The following FAM153A variants were observed in gnomAD, a reference collection of about 807,000 sequenced individuals.
The protein encoded by FAM153A is protein FAM153A.
FAM153A carries 12 observed loss-of-function variants against 48.1 expected under a neutral mutation model. The ratio of observed to expected loss-of-function variants is 0.25; its 90% CI spans 0.16 to 0.40. The LOEUF (loss-of-function observed/expected upper bound fraction) is 0.40. Among genes scored for constraint, FAM153A ranks in the 10% least tolerant of loss-of-function variants. The probability of loss-of-function intolerance (pLI) is 1.00; values close to 1 mark genes in which losing one functional copy is unlikely to be tolerated. For missense variants in FAM153A, 111 were observed against 345.8 expected, an observed-to-expected ratio of 0.32 and a Z score of 5.38; for synonymous variants, 36 against 118.2, an observed-to-expected ratio of 0.30 and a Z score of 4.51.
At chr5:177,703,438 A>G (rs923787939), downstream of FAM153A, among the ~76,000 whole-genome samples, 11 of 150,946 alleles carry the variant, frequency 7.3e-5, no homozygotes, top group Admixed American at 1.3e-4. Flanking sequence ...TTACAGACCT[A>G]TAGGTGGAAG....
At chr5:177,709,682 T>G (rs1049868929), downstream of FAM153A, among the ~76,000 whole-genome samples, 21 of 143,232 alleles carry the variant, frequency 1.5e-4, no homozygotes, top group Admixed American at 1.4e-4. Flanking sequence ...TTGTTTTTTT[T>G]TTTTTTTGAC....
intron 24 of FAM153A, among the ~76,000 whole-genome samples, chr5:177,716,884 C>T (rs1759921757): frequency 6.6e-6 from 1 of 151,502 alleles, no homozygotes; most frequent in Non-Finnish European, 1.5e-5. Context: ...CTGCAGCCTC[C>T]ACCTCCTGGG....
chr5:177,695,512 C>A, the FAM153A span, among the ~76,000 whole-genome samples: 1 of 152,262 alleles, frequency 6.6e-6, no homozygotes, highest in Non-Finnish European at 1.5e-5. Context: ...ACATCTTGCA[C>A]CGCCCTTAAT....
downstream of FAM153A, among the ~76,000 whole-genome samples, chr5:177,704,705 TA>T (rs1018703797): frequency 4.6e-5 from 7 of 151,712 alleles, no homozygotes; most frequent in African/African-American, 1.7e-4. Flanking sequence ...TCGGGTTGTT[TA>T]AAAGTATATA....
chr5:177,709,417 A>G (rs1377889095), downstream of FAM153A, among the ~76,000 whole-genome samples: 26 of 145,770 alleles, frequency 1.8e-4, 1 homozygote, highest in African/African-American at 2.6e-5. Flanking sequence ...GCTGGAGTGC[A>G]ATGGCGCGAT....
At chr5:177,749,018 G>A (rs1198771521) in intron 2 of FAM153A, among the ~76,000 whole-genome samples, 229 of 136,806 alleles carry the variant, frequency 1.7e-3, no homozygotes, top group African/African-American at 4.4e-3. Context: ...TTTGAGGCCC[G>A]GTAAATTTCT....
At chr5:177,719,341 A>G (rs1760607945), downstream of FAM153A, among the ~76,000 whole-genome samples, 1 of 147,294 alleles carries the variant, frequency 6.8e-6, no homozygotes, top group Admixed American at 6.8e-5. Flanking sequence ...ATGAATGGGG[A>G]AGAGAGCAGG....
At chr5:177,709,177 G>A (rs1455605071), downstream of FAM153A, among the ~76,000 whole-genome samples, 1 of 137,474 alleles carries the variant, frequency 7.3e-6, no homozygotes, top group African/African-American at 2.7e-5. Flanking sequence ...CTCACACCCA[G>A]GACATTTTCT....
At chr5:177,745,977 A>C (rs1765920148) in intron 4 of FAM153A, among the ~76,000 whole-genome samples, 1 of 149,914 alleles carries the variant, frequency 6.7e-6, no homozygotes, top group Non-Finnish European at 1.5e-5. Context: ...ATAGGTTTTC[A>C]TTCTTCCAGC....
chr5:177,756,524 AG>A (rs1447982640), upstream of FAM153A, among the ~76,000 whole-genome samples: 3 of 136,570 alleles, frequency 2.2e-5, no homozygotes, highest in African/African-American at 7.8e-5. Context: ...CCAAATCAAC[AG>A]AATATACGTT....
At chr5:177,738,953 C>T (rs1765119496) in intron 10 of FAM153A, among the ~76,000 whole-genome samples, 160 bp downstream of exon 12, 1 of 149,330 alleles carries the variant, frequency 6.7e-6, no homozygotes, top group Admixed American at 6.6e-5. Flanking sequence ...GTAGGATGGT[C>T]ACCACTCGTC....
downstream of FAM153A, among the ~76,000 whole-genome samples, chr5:177,707,685 G>A (rs1263821147): frequency 6.6e-6 from 1 of 151,388 alleles, no homozygotes; most frequent in Non-Finnish European, 1.5e-5. Context: ...TCAGCCTCCC[G>A]AGTAGCTGGG....
At chr5:177,782,740 T>TCCAACCCCCAA (rs763899304), upstream of FAM153A, 1 of 85,758 alleles carries the variant, frequency 1.2e-5, no homozygotes. Context: ...CAATCCGCGA[T>TCCAACCCCCAA]ACCAAGTCTG....
upstream of FAM153A, among the ~76,000 whole-genome samples, chr5:177,757,090 C>A: frequency 2.6e-5 from 2 of 76,440 alleles, no homozygotes; most frequent in African/African-American, 4.8e-5. Flanking sequence ...AGACTGCTAG[C>A]AAGACTAACA....
intron 16 of FAM153A, among the ~76,000 whole-genome samples, chr5:177,730,586 A>T (rs1429692565): frequency 8.2e-6 from 1 of 121,228 alleles, no homozygotes. Context: ...AGACCATCCA[A>T]TAACGATAGT....
downstream of FAM153A, among the ~76,000 whole-genome samples, chr5:177,717,809 G>A: frequency 1.0e-5 from 1 of 97,424 alleles, no homozygotes. Flanking sequence ...GTCAGGAGAA[G>A]AAAAAAGCAA....
chr5:177,768,377 C>A (rs1235101030), intron 1 of FAM153A, among the ~76,000 whole-genome samples: 2 of 151,956 alleles, frequency 1.3e-5, no homozygotes, highest in Admixed American at 6.6e-5. Context: ...TGGTGACTGA[C>A]AACCTTCAGC....
chr5:177,761,403 C>T (rs1370468618), intron 1 of FAM153A, among the ~76,000 whole-genome samples: 9 of 151,934 alleles, frequency 5.9e-5, no homozygotes, highest in Admixed American at 1.3e-4. Flanking sequence ...CAGGCCCCCT[C>T]GGCTGCAGGG....
At chr5:177,754,407 G>C (rs1037287543), upstream of FAM153A, among the ~76,000 whole-genome samples, 1 of 151,702 alleles carries the variant, frequency 6.6e-6, no homozygotes, top group Non-Finnish European at 1.5e-5. Context: ...TCCACCTCTG[G>C]GGGCAGGGCA....
Sources: allele counts gnomAD v4.1 joint callset (sites outside exome capture counted in the v4.1 genomes callset), GRCh38; gene constraint gnomAD v4.1.1; transcripts MANE v1.5; gene names NCBI Gene and HGNC (gene_info 2026-07-23, HGNC 2026-07-21).